Variants in EXOC6B observed in about 807,000 individuals in gnomAD.
EXOC6B encodes the protein exocyst complex component 6B, also known as SEC15 homolog B.
A neutral mutation model predicts 113.5 loss-of-function variants in EXOC6B; 54 were observed. The ratio of observed to expected loss-of-function variants is 0.48; its 90% confidence interval spans 0.38 to 0.60. The LOEUF (loss-of-function observed/expected upper bound fraction) is 0.60. Ranked by LOEUF, EXOC6B falls within the 20% of genes least tolerant of loss-of-function variation. The pLI is 0.00. For synonymous variants in EXOC6B, 357 were observed against 339.0 expected, an observed-to-expected ratio of 1.05 and a Z score of -0.58; for missense variants, 797 against 977.5, an observed-to-expected ratio of 0.82 and a Z score of 2.46.
intron 18 of EXOC6B, among the ~76,000 whole-genome samples, chr2:72,392,894 T>G (rs1431087942): frequency 5.9e-5 from 9 of 152,168 alleles, no homozygotes; most frequent in Admixed American, 5.9e-4. Context: ...AGTGCTCATC[T>G]GCTCTCTCTG....
chr2:72,293,800 G>A (rs1209837916), intron 20 of EXOC6B, among the ~76,000 whole-genome samples: 1 of 152,024 alleles, frequency 6.6e-6, no homozygotes, highest in Non-Finnish European at 1.5e-5. Flanking sequence ...ACAAACCCAA[G>A]TAGACAAGAC....
At chr2:72,511,429 A>T (rs1482950169) in intron 11 of EXOC6B, among the ~76,000 whole-genome samples, 1 of 152,118 alleles carries the variant, frequency 6.6e-6, no homozygotes, top group Non-Finnish European at 1.5e-5. Context: ...AAGTACAATT[A>T]ATCTTACTTC....
intron 18 of EXOC6B, among the ~76,000 whole-genome samples, chr2:72,413,237 A>G (rs1694300495): frequency 6.6e-6 from 1 of 151,702 alleles, no homozygotes; most frequent in Non-Finnish European, 1.5e-5. Flanking sequence ...CTGGGATTAC[A>G]GGCGTGAACC....
chr2:72,702,247 G>T (rs956247731), intron 6 of EXOC6B, among the ~76,000 whole-genome samples: 1 of 151,228 alleles, frequency 6.6e-6, no homozygotes, highest in African/African-American at 2.4e-5. Context: ...CAAAGGACAT[G>T]AACTCATCAT....
chr2:72,369,509 T>C (rs1277836695), intron 19 of EXOC6B, among the ~76,000 whole-genome samples: 1 of 152,106 alleles, frequency 6.6e-6, no homozygotes, highest in Non-Finnish European at 1.5e-5. Flanking sequence ...TGGAAAAAAC[T>C]ACTTCAAAGT....
chr2:72,578,128 T>C (rs1020289489), intron 6 of EXOC6B, among the ~76,000 whole-genome samples: 1 of 152,092 alleles, frequency 6.6e-6, no homozygotes, highest in Non-Finnish European at 1.5e-5. Flanking sequence ...TTCCTATTAC[T>C]AATGTGTGTT....
intron 20 of EXOC6B, among the ~76,000 whole-genome samples, chr2:72,332,530 G>A (rs535998275): frequency 6.4e-4 from 98 of 152,154 alleles, no homozygotes; most frequent in African/African-American, 2.3e-3. Context: ...AAGATTTAAA[G>A]GGTTAAGGTT....
intron 20 of EXOC6B, among the ~76,000 whole-genome samples, chr2:72,221,210 A>G (rs887299454): frequency 6.6e-6 from 1 of 152,216 alleles, no homozygotes; most frequent in Non-Finnish European, 1.5e-5. Context: ...TCTGTCAAAA[A>G]TCTGCCTCAA....
intron 6 of EXOC6B, among the ~76,000 whole-genome samples, chr2:72,650,268 G>C (rs1226282481): frequency 6.6e-6 from 1 of 152,204 alleles, no homozygotes; most frequent in African/African-American, 2.4e-5. Context: ...CATGAAACCA[G>C]TCCCTTGTGC....
intron 20 of EXOC6B, among the ~76,000 whole-genome samples, chr2:72,318,291 A>G (rs1278039041): frequency 6.6e-6 from 1 of 151,976 alleles, no homozygotes; most frequent in Non-Finnish European, 1.5e-5. Context: ...AAAGGCAAGA[A>G]TCATCATTTC....
rs1191785091 is a variant in EXOC6B at position 72,793,708 on chromosome 2, A to G, written c.113+32090T>C. 3.9e-5 allele frequency among the ~76,000 whole-genome samples: 6 copies of G among 152,338 alleles called. No homozygotes were observed. The East Asian group carries it at 5.8e-4, about 15-fold the overall frequency. ...GGTTAGCGAGGTACATAGGTGTAAGAGAAAGTCACTGGGTAGAGTTACAGG... is the reference window on the plus strand; with the variant it reads ...GGTTAGCGAGGTACATAGGTGTAAGGGAAAGTCACTGGGTAGAGTTACAGG... On this transcript the variant is annotated intron_variant, in intron 1 of 21. Transcript: ENST00000272427.
chr2:72,379,108 T>C (rs1259650937), intron 19 of EXOC6B, among the ~76,000 whole-genome samples: 1 of 152,198 alleles, frequency 6.6e-6, no homozygotes. Context: ...GGGTCTCTTC[T>C]GACTGTAATA....
At chr2:72,396,045 T>A (rs901337981) in intron 18 of EXOC6B, among the ~76,000 whole-genome samples, 1 of 152,096 alleles carries the variant, frequency 6.6e-6, no homozygotes, top group East Asian at 1.9e-4. Flanking sequence ...TAACATAAAA[T>A]TTTAATATGA....
At chr2:72,262,503 T>C (rs1040914117) in intron 20 of EXOC6B, among the ~76,000 whole-genome samples, 4 of 152,124 alleles carry the variant, frequency 2.6e-5, no homozygotes, top group African/African-American at 9.7e-5. Context: ...CCCAATCTCA[T>C]CTAATCTCTG....
chr2:72,299,793 C>T (rs1033117403), intron 20 of EXOC6B, among the ~76,000 whole-genome samples: 1 of 152,174 alleles, frequency 6.6e-6, no homozygotes, highest in Non-Finnish European at 1.5e-5. Context: ...AACAGTCAGG[C>T]CTCTCTGCTG....
chr2:72,279,467 G>A (rs1684997274), intron 20 of EXOC6B, among the ~76,000 whole-genome samples: 1 of 152,174 alleles, frequency 6.6e-6, no homozygotes, highest in Non-Finnish European at 1.5e-5. Context: ...TTAAAGAGTA[G>A]CTTTTTTTGT....
At chr2:72,724,994 C>T (rs569999354) in intron 5 of EXOC6B, among the ~76,000 whole-genome samples, 60 of 151,752 alleles carry the variant, frequency 4.0e-4, no homozygotes, top group African/African-American at 1.4e-3. Flanking sequence ...GGGAAAAGGA[C>T]AAAAAAAGAG....
At chr2:72,441,485 AAACC>A (rs1240375350) in intron 18 of EXOC6B, among the ~76,000 whole-genome samples, 1 of 152,128 alleles carries the variant, frequency 6.6e-6, no homozygotes, top group Non-Finnish European at 1.5e-5. Context: ...TACAATAGAT[AAACC>A]TTTAACTAGA....
intron 20 of EXOC6B, among the ~76,000 whole-genome samples, chr2:72,333,099 A>G (rs1020898303): frequency 6.6e-6 from 1 of 152,120 alleles, no homozygotes; most frequent in African/African-American, 2.4e-5. Context: ...AAAGAGGCAT[A>G]CTCTTTCATT....
Sources: gnomAD v4.1 joint callset for allele counts (sites outside exome capture counted in the v4.1 genomes callset) on GRCh38, gnomAD v4.1.1 for gene constraint, MANE v1.5 for transcripts, NCBI Gene and HGNC (gene_info 2026-07-23, HGNC 2026-07-21) for gene names.